The following SAMD3 variants were observed in gnomAD, a reference collection of about 807,000 sequenced individuals.
The protein encoded by SAMD3 is sterile alpha motif domain containing 3.
Under a neutral mutation model 58.5 loss-of-function variants are expected in SAMD3, and 63 were observed. The ratio of observed to expected loss-of-function variants is 1.08; its 90% CI spans 0.88 to 1.33. SAMD3 has a LOEUF of 1.33. SAMD3 is among the 40% of genes most tolerant of loss of function. The pLI, the probability that SAMD3 is intolerant of heterozygous loss-of-function variation, is 0.00. For missense variants in SAMD3, 604 were observed against 608.4 expected (o/e 0.99, Z 0.08); for synonymous variants, 220 against 210.3 (o/e 1.05, Z -0.40).
intron 2 of SAMD3, among the ~76,000 whole-genome samples, chr6:130,282,369 A>G (rs2326941): frequency 1.4e-5 from 1 of 71,034 alleles, no homozygotes; most frequent in Non-Finnish European, 2.9e-5. Context: ...TATATATTAT[A>G]TACATAGGCA....
chr6:130,237,800 T>C (rs1773218296), intron 2 of SAMD3, among the ~76,000 whole-genome samples: 2 of 152,138 alleles, frequency 1.3e-5, no homozygotes, highest in South Asian at 4.1e-4. Context: ...AACCTCCAAA[T>C]TGATTCAGGT....
intron 2 of SAMD3, among the ~76,000 whole-genome samples, chr6:130,234,279 G>A (rs1796623214): frequency 6.6e-6 from 1 of 151,596 alleles, no homozygotes; most frequent in Non-Finnish European, 1.5e-5. Context: ...ATTTGAAACG[G>A]TGTTTCACTC....
At chr6:130,166,957 TTAAG>T (rs1301179892) in intron 8 of SAMD3, among the ~76,000 whole-genome samples, 1 of 152,156 alleles carries the variant, frequency 6.6e-6, no homozygotes, top group African/African-American at 2.4e-5. Flanking sequence ...ACTGGTCAAA[TTAAG>T]TACACGCATG....
chr6:130,254,423 C>T lies in SAMD3; in HGVS notation c.-187-31610G>A, dbSNP rs909032773. Among the ~76,000 whole-genome samples, 14 of 152,074 alleles carry T rather than the reference C, an allele frequency of 9.2e-5. No homozygotes were observed. In the East Asian group the frequency reaches 1.6e-3, roughly 17 times the overall value. On this transcript the variant is annotated intron_variant, in intron 2 of 13. Transcript: ENST00000368134. ...GTTGGGCAGGCCACTCTCGAACTCCCGACCTCAGGTTATCCACCCACCTCA... is the reference window on the plus strand; with the variant it reads ...GTTGGGCAGGCCACTCTCGAACTCCTGACCTCAGGTTATCCACCCACCTCA...
intron 2 of SAMD3, among the ~76,000 whole-genome samples, chr6:130,292,431 C>T (rs1030180392): frequency 6.6e-6 from 1 of 151,814 alleles, no homozygotes; most frequent in Admixed American, 6.6e-5. Flanking sequence ...GGATTCCAGA[C>T]ATGCGCCACC....
At chr6:130,298,688 C>T (rs1775649453) in intron 2 of SAMD3, among the ~76,000 whole-genome samples, 1 of 152,182 alleles carries the variant, frequency 6.6e-6, no homozygotes, top group Non-Finnish European at 1.5e-5. Flanking sequence ...CACAGAGTGG[C>T]ACATTGGGCA....
intron 9 of SAMD3, among the ~76,000 whole-genome samples, chr6:130,151,685 C>A (rs2114569225): frequency 6.6e-6 from 1 of 152,272 alleles, no homozygotes; most frequent in African/African-American, 2.4e-5. Flanking sequence ...AGGTGATCTG[C>A]CCGCCTCGGC....
intron 2 of SAMD3, among the ~76,000 whole-genome samples, chr6:130,295,143 G>A (rs1019922279): frequency 6.6e-5 from 10 of 151,944 alleles, no homozygotes; most frequent in Non-Finnish European, 7.4e-5. Context: ...GGCTGGTCTC[G>A]AACTCCCGAC....
At chr6:130,358,721 T>C (rs1439051055) in intron 1 of SAMD3, among the ~76,000 whole-genome samples, 1 of 136,058 alleles carries the variant, frequency 7.3e-6, no homozygotes. Context: ...TATCCCACTA[T>C]GTCTTACACA....
chr6:130,268,875 T>C (rs1338923729), intron 2 of SAMD3, among the ~76,000 whole-genome samples: 1 of 152,170 alleles, frequency 6.6e-6, no homozygotes, highest in African/African-American at 2.4e-5. Context: ...GTCAGATATG[T>C]GATTTTCCCA....
chr6:130,230,469 C>T (rs1217992961), intron 2 of SAMD3, among the ~76,000 whole-genome samples: 1 of 152,122 alleles, frequency 6.6e-6, no homozygotes, highest in African/African-American at 2.4e-5. Flanking sequence ...CTCACTGAAA[C>T]CTCTGCCTCC....
rs538762598 is a variant in SAMD3, at chr6:130,259,982, C to T, written c.-187-37169G>A. ...ACCACAGTCAAGATAAGAATAAGTA[C>T]ATCATCACAAGGATTCTTCAGTTTT... On this transcript the variant is annotated intron_variant, in intron 2 of 13. Coordinates refer to the SAMD3 transcript ENST00000368134. 3.9e-5 allele frequency among the ~76,000 whole-genome samples: 6 copies of T among 152,264 alleles called. No individual in the cohort carries two copies. The South Asian group carries it at 1.0e-3, about 26-fold the overall frequency.
At chr6:130,179,730 G>A (rs1792093287) in intron 7 of SAMD3, among the ~76,000 whole-genome samples, 1 of 150,548 alleles carries the variant, frequency 6.6e-6, no homozygotes, top group South Asian at 2.1e-4. Context: ...AATATGGATT[G>A]TATATGATAT....
chr6:130,291,398 C>T (rs180718046), intron 2 of SAMD3, among the ~76,000 whole-genome samples: 3 of 152,326 alleles, frequency 2.0e-5, no homozygotes, highest in Admixed American at 2.0e-4. Flanking sequence ...AGCCACCATG[C>T]CCAGCCGATA....
intron 2 of SAMD3, among the ~76,000 whole-genome samples, chr6:130,243,912 A>C (rs1400627747): frequency 1.3e-5 from 2 of 152,220 alleles, no homozygotes; most frequent in African/African-American, 4.8e-5. Flanking sequence ...CAGTCTCATG[A>C]ATATATATGT....
intron 2 of SAMD3, among the ~76,000 whole-genome samples, chr6:130,275,842 C>A (rs1396321215): frequency 1.3e-5 from 2 of 151,986 alleles, no homozygotes. Context: ...GTTTTCTCCC[C>A]CTCTAACTCT....
intron 1 of SAMD3, among the ~76,000 whole-genome samples, chr6:130,337,106 A>G (rs1777123756): frequency 6.6e-6 from 1 of 152,094 alleles, no homozygotes; most frequent in African/African-American, 2.4e-5. Context: ...CCCCACCCAA[A>G]TCTCATCTCA....
intron 2 of SAMD3, among the ~76,000 whole-genome samples, chr6:130,266,980 C>T (rs1052073353): frequency 1.3e-5 from 2 of 152,132 alleles, no homozygotes; most frequent in South Asian, 4.2e-4. Flanking sequence ...TAGAAATCAT[C>T]ACTAATAAAA....
At chr6:130,326,383 T>G (rs1458755321) in intron 1 of SAMD3, among the ~76,000 whole-genome samples, 1 of 150,264 alleles carries the variant, frequency 6.7e-6, no homozygotes, top group African/African-American at 2.5e-5. Context: ...TTTTTTTTTT[T>G]GCAAACTTCT....
Sources: allele counts gnomAD v4.1 joint callset (sites outside exome capture counted in the v4.1 genomes callset), GRCh38; gene constraint gnomAD v4.1.1; transcripts MANE v1.5; gene names NCBI Gene and HGNC (gene_info 2026-07-23, HGNC 2026-07-21).